SLC1A1: variants seen among roughly 807,000 people sequenced by gnomAD.
SLC1A1 encodes the protein excitatory amino acid transporter 3.
In SLC1A1, 43 loss-of-function variants were observed where a neutral mutation model predicts 53.3. That is an observed-to-expected ratio of 0.81 (90% CI 0.63 to 1.04). SLC1A1 has a LOEUF of 1.04. SLC1A1 is among the 50% of genes least tolerant of loss of function. The probability of loss-of-function intolerance (pLI) is 0.00; values close to 1 mark genes in which losing one functional copy is unlikely to be tolerated. For synonymous variants in SLC1A1, 307 were observed against 243.2 expected (o/e 1.26, Z -2.44); for missense variants, 748 against 664.9 (o/e 1.12, Z -1.37).
At chr9:4,493,786 T>C (rs545405448) in intron 1 of SLC1A1, among the ~76,000 whole-genome samples, 1 of 152,340 alleles carries the variant, frequency 6.6e-6, no homozygotes, top group East Asian at 1.9e-4. Context: ...ACTACTATAA[T>C]TCAGTAGCCC....
intron 6 of SLC1A1, among the ~76,000 whole-genome samples, chr9:4,569,008 T>A (rs184492134): frequency 6.6e-6 from 1 of 152,322 alleles, no homozygotes; most frequent in East Asian, 1.9e-4. Flanking sequence ...GTTCAGTATT[T>A]GCTAATTCAG....
chr9:4,564,120 C>T (rs1189379883), intron 3 of SLC1A1, among the ~76,000 whole-genome samples: 8 of 152,258 alleles, frequency 5.3e-5, no homozygotes, highest in African/African-American at 7.2e-5. Flanking sequence ...CGCACACGCA[C>T]GCACGCAAGC....
chr9:4,491,266 G>A (rs1326770260), intron 1 of SLC1A1, among the ~76,000 whole-genome samples: 1 of 152,182 alleles, frequency 6.6e-6, no homozygotes, highest in Admixed American at 6.5e-5. Context: ...GGGGAGGGAG[G>A]CTGAGAACGC....
At chr9:4,585,266 A>C in intron 11 of SLC1A1, 46 bp from the exon 12 acceptor site, 1 of 1,611,946 alleles carries the variant, frequency 6.2e-7, no homozygotes, top group Non-Finnish European at 8.5e-7. Context: ...TGATGAAGGA[A>C]AATGAAATCT....
chr9:4,490,829 CGCGTGCGGCTGAGGGTGGGCTTGGCGCTG>C, intron 1 of SLC1A1, 59 bp downstream of exon 1: 1 of 1,436,720 alleles, frequency 7.0e-7, no homozygotes, highest in Non-Finnish European at 9.7e-7. Context: ...GCGCCCAGGC[CGCGTGCGGCTGAGGGTGGGCTTGGCGCTG>C]GCGCACTCCA....
chr9:4,545,189 G>GTCTCTCTCTCTCTCTCTCTCTCTC (rs6150901), intron 2 of SLC1A1, among the ~76,000 whole-genome samples: 1,318 of 130,886 alleles, frequency 0.01, 37 homozygotes, highest in Non-Finnish European at 0.012. Context: ...TACATTAGAT[G>GTCTCTCTCTCTCTCTCTCTCTCTC]TCTCTCTCTC....
Position 4,490,506 on chromosome 9 carries a change from G to T in SLC1A1, c.-174G>T, listed in dbSNP as rs895385789. 2 of 400,582 alleles carry T rather than the reference G, an allele frequency of 5.0e-6. No homozygotes were observed. The highest frequency in any genetic ancestry group is 6.8e-4 in the Middle Eastern group (1 of 1,480). 24.8% of individuals were successfully genotyped at this position (400,582 alleles called of 1,614,324 possible). A position where few individuals can be genotyped will look rare whatever the true frequency, so the allele number is the denominator to read the frequency against. ...GCTGGCAGGGCGGCGGGCGCGGTGC[G>T]CGATCCCGGGTGGCGGCGGCAACGG... On this transcript the variant is annotated 5_prime_UTR_variant, in exon 1 of 12. Transcript: ENST00000262352.
At chr9:4,512,469 C>G (rs1438043705) in intron 1 of SLC1A1, among the ~76,000 whole-genome samples, 1 of 152,086 alleles carries the variant, frequency 6.6e-6, no homozygotes, top group Non-Finnish European at 1.5e-5. Context: ...GATCACGCCA[C>G]TGCACTCAAG....
chr9:4,490,803 C>G, intron 1 of SLC1A1, 33 bp downstream of exon 1: 1 of 1,560,854 alleles, frequency 6.4e-7, no homozygotes, highest in Non-Finnish European at 8.8e-7. Context: ...GATGCGCGCA[C>G]CCTCACGCGC....
rs1819303441 is a variant in SLC1A1 at position 4,564,556 on chromosome 9, TTAATAACTTTTGAATTA to T, written c.440+100_440+116del. 6 of 782,696 alleles carry T rather than the reference TTAATAACTTTTGAATTA, an allele frequency of 7.7e-6. No individual in the cohort carries two copies. The Admixed American group carries it at 1.2e-4, about 16-fold the overall frequency. 48.5% of individuals were successfully genotyped at this position (782,696 alleles called of 1,614,324 possible). On this transcript the variant is annotated intron_variant, in intron 4 of 11. Coordinates refer to ENST00000262352, the MANE Select transcript of SLC1A1 (RefSeq NM_004170.6). ...TTCTGCTGTTACTGTATTGAAATTT[TTAATAACTTTTGAATTA>T]TTGTGCACTTTCATTTTGCCCAGGA... is the stretch of plus-strand genomic sequence containing the variant.
rs1820507639 is a variant in SLC1A1, at chr9:4,575,981, T to C, written c.876-20T>C. On this transcript the variant is annotated intron_variant, in intron 8 of 11. Transcript: ENST00000262352. ...GGTGGTATTATCTTTGAAACTTTAATTTCTCTTTCTTGTTTACAGGCTTGC... is the reference window on the plus strand; with the variant it reads ...GGTGGTATTATCTTTGAAACTTTAACTTCTCTTTCTTGTTTACAGGCTTGC... 6.2e-7 allele frequency: 1 copy of C among 1,613,300 alleles called. No homozygotes were observed. Among genetic ancestry groups the C allele is most frequent in the Non-Finnish European group, 8.5e-7 (1 of 1,179,206 alleles).
rs373604899 is a variant in SLC1A1 at position 4,583,853 on chromosome 9, TTCTCTC to T, written c.1328+706_1328+711del. 2.9e-4 allele frequency among the ~76,000 whole-genome samples: 40 copies of T among 137,002 alleles called. No individual in the cohort carries two copies. The highest frequency in any genetic ancestry group is 3.8e-3 in the Middle Eastern group (1 of 266). 89.9% of individuals were successfully genotyped at this position (137,002 alleles called of 152,430 possible). On this transcript the variant is annotated intron_variant, in intron 11 of 11. Transcript: ENST00000262352. This position sits in a 1 kb window ranked among gnomAD's most constrained non-coding sequence, Gnocchi z 4.6. ...CCATTCAGGCCCCAATCAACAACACTTCTCTCTCTCTCTCTCTCTCTCTCTCTCTCA... is the reference window on the plus strand; with the variant it reads ...CCATTCAGGCCCCAATCAACAACACTTCTCTCTCTCTCTCTCTCTCTCTCA...
At chr9:4,579,431 C>A (rs1820860345) in intron 10 of SLC1A1, among the ~76,000 whole-genome samples, 1 of 152,176 alleles carries the variant, frequency 6.6e-6, no homozygotes, top group South Asian at 2.1e-4. Context: ...GTATTTGACA[C>A]TTTGTGATGA....
intron 3 of SLC1A1, among the ~76,000 whole-genome samples, chr9:4,562,436 A>G (rs1232610798): frequency 1.3e-5 from 2 of 152,224 alleles, no homozygotes; most frequent in Non-Finnish European, 2.9e-5. Context: ...TAATTATAAA[A>G]TATTTCCAGA....
rs146747012 is a variant in SLC1A1 at position 4,529,253 on chromosome 9, T to C, written c.92-15314T>C. Reference sequence around the variant, plus strand: ...TCAGCTTCAAATCCTTAGCTTGGCGTATGGGATCCTTCACCACCTGCTTCT... The same window carrying C: ...TCAGCTTCAAATCCTTAGCTTGGCGCATGGGATCCTTCACCACCTGCTTCT... On this transcript the variant is annotated intron_variant, in intron 1 of 11. Transcript: ENST00000262352. Among the ~76,000 whole-genome samples, 1,479 of 152,270 alleles carry C rather than the reference T, an allele frequency of 9.7e-3. 26 individuals are homozygous for C. Among genetic ancestry groups the C allele is most frequent in the Non-Finnish European group, 0.011 (779 of 68,024 alleles).
chr9:4,584,973 A>C (rs1821454955), intron 11 of SLC1A1, among the ~76,000 whole-genome samples: 1 of 152,204 alleles, frequency 6.6e-6, no homozygotes, highest in South Asian at 2.1e-4. Context: ...TGAATCTAGA[A>C]AATCCCAAGA....
At chr9:4,585,051 C>T (rs887882350) in intron 11 of SLC1A1, among the ~76,000 whole-genome samples, 7 of 152,092 alleles carry the variant, frequency 4.6e-5, no homozygotes, top group Non-Finnish European at 1.0e-4. Flanking sequence ...ATATCTGGAA[C>T]GACTCTATTC....
rs1192183722 is a variant in SLC1A1, at chr9:4,518,847, T to A, written c.92-25720T>A. On this transcript the variant is annotated intron_variant, in intron 1 of 11. Coordinates refer to ENST00000262352, the MANE Select transcript of SLC1A1 (RefSeq NM_004170.6). ...TCACTTTGTGATTTATTGCATTTAATTCTCACCCTGAGTCTGAGTTGGGTA... is the reference window on the plus strand; with the variant it reads ...TCACTTTGTGATTTATTGCATTTAAATCTCACCCTGAGTCTGAGTTGGGTA... Among the ~76,000 whole-genome samples the A allele has an allele frequency of 3.3e-5, 5 of 152,368 alleles. No homozygotes were observed. In the East Asian group the frequency reaches 9.6e-4, roughly 29 times the overall value.
intron 3 of SLC1A1, 34 bp downstream of exon 3, chr9:4,561,575 G>A (rs1818944499): frequency 1.1e-5 from 14 of 1,257,584 alleles, no homozygotes; most frequent in Admixed American, 5.0e-5. Flanking sequence ...ACTACTTTAT[G>A]TAATGGTGAT....
Sources: gnomAD v4.1 joint callset for allele counts (sites outside exome capture counted in the v4.1 genomes callset) on GRCh38, gnomAD v4.1.1 for gene constraint, Gnocchi (gnomAD v3.1) non-coding constraint, MANE v1.5 for transcripts, NCBI Gene and HGNC (gene_info 2026-07-23, HGNC 2026-07-21) for gene names.